PAX2: variants seen among roughly 807,000 people sequenced by gnomAD.
PAX2 encodes the protein paired box 2.
In PAX2, 9 loss-of-function variants were observed where a neutral mutation model predicts 41.7. The observed-to-expected ratio is 0.22, with a 90% CI of 0.13 to 0.38. The LOEUF (loss-of-function observed/expected upper bound fraction) is 0.38. Among genes scored for constraint, PAX2 ranks in the 10% least tolerant of loss-of-function variants. PAX2 has a pLI of 1.00. For missense variants in PAX2, 418 were observed against 531.6 expected, an observed-to-expected ratio of 0.79 and a Z score of 2.10; for synonymous variants, 221 against 212.7, an observed-to-expected ratio of 1.04 and a Z score of -0.34.
intron 7 of PAX2, among the ~76,000 whole-genome samples, chr10:100,815,691 A>C (rs1259696053): frequency 6.6e-6 from 1 of 152,218 alleles, no homozygotes; most frequent in Non-Finnish European, 1.5e-5. Flanking sequence ...TCCTTTATCC[A>C]GTCCACTGAT....
Position 100,755,797 on chromosome 10 carries a change from G to A in PAX2, c.410+4906G>A, listed in dbSNP as rs369443230. ...AAATGGACAACACAACAGTTCAATA[G>A]AGGGGCCACAGGGGGAATTAGCCAA... On this transcript the variant is annotated intron_variant, in intron 3 of 9. Transcript: ENST00000355243. Among the ~76,000 whole-genome samples, 3 of 152,306 alleles carry A rather than the reference G, an allele frequency of 2.0e-5. No homozygotes were observed. In the South Asian group the frequency reaches 6.2e-4, roughly 32 times the overall value.
upstream of PAX2, among the ~76,000 whole-genome samples, chr10:100,741,175 G>A (rs1006062294): frequency 1.2e-4 from 19 of 152,180 alleles, no homozygotes; most frequent in African/African-American, 4.6e-4. Flanking sequence ...AGGACCAACA[G>A]ACCGAGCGGG....
intron 6 of PAX2, among the ~76,000 whole-genome samples, chr10:100,807,249 G>A (rs55705643): frequency 0.017 from 2,538 of 152,202 alleles, 40 homozygotes; most frequent in Non-Finnish European, 0.028. Flanking sequence ...ACTTTTCTAT[G>A]TGCTGGTGTG....
chr10:100,798,580 C>G (rs1245422001), intron 5 of PAX2, among the ~76,000 whole-genome samples: 1 of 152,064 alleles, frequency 6.6e-6, no homozygotes, highest in Non-Finnish European at 1.5e-5. Context: ...AGCCCCTTCC[C>G]TCCTCTCTCC....
chr10:100,769,694 G>A (rs1846150059), intron 3 of PAX2, among the ~76,000 whole-genome samples: 1 of 148,482 alleles, frequency 6.7e-6, no homozygotes, highest in Non-Finnish European at 1.5e-5. Context: ...CAAAAAACAA[G>A]AGTATATTAT....
chr10:100,748,200 T>A lies in PAX2; in HGVS notation c.44-1546T>A. 1.0e-6 allele frequency: 1 copy of A among 985,028 alleles called. No individual in the cohort carries two copies. The highest frequency in any genetic ancestry group is 1.2e-6 in the Non-Finnish European group (1 of 829,856). 61.0% of individuals were successfully genotyped at this position (985,028 alleles called of 1,614,324 possible). A position where few individuals can be genotyped will look rare whatever the true frequency, so the allele number is the denominator to read the frequency against. ...GAGCCCGGGGAGGCTGAATTATTCATCTTTAATCTGCCCGCAGCTGCCGCC... is the reference window on the plus strand; with the variant it reads ...GAGCCCGGGGAGGCTGAATTATTCAACTTTAATCTGCCCGCAGCTGCCGCC... On this transcript the variant is annotated intron_variant, in intron 1 of 9. Transcript: ENST00000355243. The surrounding 1 kb of genome is among the most constrained non-coding windows in gnomAD (Gnocchi z 5.0).
rs372654597 is a variant in PAX2, at chr10:100,786,661, G to T, written c.616+5296G>T. Among the ~76,000 whole-genome samples, 229 of 152,238 alleles carry T rather than the reference G, an allele frequency of 1.5e-3. 1 individual carries two copies. Among genetic ancestry groups the T allele is most frequent in the African/African-American group, 5.1e-3 (211 of 41,526 alleles). The stretch of plus-strand genomic sequence containing the variant: ...GTGAGCGGGGAGAGCTCTAAGCCAG[G>T]CCTCAGTGTGTTGAGCGCCCATGGT... On this transcript the variant is annotated intron_variant, in intron 5 of 9. Coordinates refer to ENST00000355243, the MANE Select transcript of PAX2 (RefSeq NM_000278.5).
intron 1 of PAX2, chr10:100,747,128 T>A (rs1845213629): frequency 6.6e-6 from 1 of 152,162 alleles, no homozygotes; most frequent in African/African-American, 2.4e-5. Flanking sequence ...AGCGCAGCCT[T>A]CCAGGTGGGC....
chr10:100,776,055 T>C (rs1329883244), intron 3 of PAX2, among the ~76,000 whole-genome samples: 6 of 152,210 alleles, frequency 3.9e-5, no homozygotes, highest in Non-Finnish European at 4.4e-5. Flanking sequence ...CACAGTCCCT[T>C]AGGCAACTTC....
chr10:100,751,431 G>A (rs1037861828), intron 3 of PAX2, among the ~76,000 whole-genome samples: 10 of 152,198 alleles, frequency 6.6e-5, no homozygotes, highest in African/African-American at 2.4e-4. Context: ...CAGAACAAAT[G>A]CCAACCACCA....
In PAX2 at chr10:100,824,980, C is replaced by A; in HGVS notation, c.1021+231C>A. ...GCAGAAGTGCCCCCTTGTGTGCAAC[C>A]CACTGTATGTCATGGCCCCTCCACA... is the stretch of plus-strand genomic sequence containing the variant. On this transcript the variant is annotated intron_variant, in intron 8 of 9. Coordinates refer to ENST00000355243, the MANE Select transcript of PAX2 (RefSeq NM_000278.5). The surrounding 1 kb of genome is among the most constrained non-coding windows in gnomAD (Gnocchi z 6.6). 1 of 1,613,564 alleles carries A rather than the reference C, an allele frequency of 6.2e-7. No individual in the cohort carries two copies. The highest frequency in any genetic ancestry group is 8.5e-7 in the Non-Finnish European group (1 of 1,179,542).
In PAX2 at chr10:100,826,424, A is replaced by T. The variant is rs1848568374; in HGVS notation, c.1022-585A>T. On this transcript the variant is annotated intron_variant, in intron 8 of 9. Transcript: ENST00000355243. This position sits in a 1 kb window ranked among gnomAD's most constrained non-coding sequence, Gnocchi z 5.5. ...GCTCACCGCTAGCGGACCAGCGGGC[A>T]GTCCACCTGCGCCGCCTCCATCCCC... Among the ~76,000 whole-genome samples the T allele has an allele frequency of 6.6e-6, 1 of 152,202 alleles. No individual in the cohort carries two copies. Among genetic ancestry groups the T allele is most frequent in the Non-Finnish European group, 1.5e-5 (1 of 68,026 alleles).
intron 7 of PAX2, among the ~76,000 whole-genome samples, chr10:100,811,348 T>C (rs1847983917): frequency 6.6e-6 from 1 of 152,256 alleles, no homozygotes; most frequent in Admixed American, 6.5e-5. Context: ...AGATGAATGA[T>C]TTATGATGTG....
In PAX2 at chr10:100,827,578, T is replaced by A; in HGVS notation, c.1144T>A (p.Ser382Thr). 1.2e-6 allele frequency: 2 copies of A among 1,613,218 alleles called. No homozygotes were observed. Among genetic ancestry groups the A allele is most frequent in the Non-Finnish European group, 1.7e-6 (2 of 1,179,560 alleles). ...TTATTATAGTGCCGCCCCCCGGGGC[T>A]CCGCCCCTGCCGCTGCTGCCGCTGC... ...PYYYSAAPRG[S>T]APAAAAAAYD... The change falls in exon 10 of 10, where the codon TCC becomes ACC. Residue 382 changes from serine to threonine, a missense_variant. By Grantham distance (58) the Ser-to-Thr change is moderately conservative (BLOSUM62 1). Around this residue, in one of 2 missense-constraint regions of PAX2, gnomAD observed 310 missense variants for 325.2 expected, o/e 0.95. Transcript: ENST00000355243. The surrounding 1 kb of genome is among the most constrained non-coding windows in gnomAD (Gnocchi z 8.5).
upstream of PAX2, among the ~76,000 whole-genome samples, chr10:100,743,500 T>A (rs912631420): frequency 1.3e-5 from 2 of 152,014 alleles, no homozygotes; most frequent in South Asian, 4.2e-4. Context: ...ATGACCAACT[T>A]GGAGAGACCT....
chr10:100,809,241 G>T lies in PAX2; in HGVS notation c.919+5G>T. On this transcript the variant is annotated splice_donor_5th_base_variant and intron_variant, in intron 7 of 9. Coordinates refer to ENST00000355243, the MANE Select transcript of PAX2 (RefSeq NM_000278.5). ...AGACATACCCAGTTGTGACTGGTAA[G>T]GGGGCTTCCAGGAGGGTGGGGGCAC... 2 of 1,613,022 alleles carry T rather than the reference G, an allele frequency of 1.2e-6. No individual in the cohort carries two copies. The highest frequency in any genetic ancestry group is 2.2e-5 in the South Asian group (2 of 91,034).
At chr10:100,816,745 A>T (rs991810468) in intron 7 of PAX2, among the ~76,000 whole-genome samples, 2 of 152,178 alleles carry the variant, frequency 1.3e-5, no homozygotes, top group African/African-American at 4.8e-5. Context: ...AAGCTCCGCC[A>T]CTATTGTCAC....
At chr10:100,749,315 C>T (rs1218595867) in intron 1 of PAX2, 6 of 1,005,228 alleles carry the variant, frequency 6.0e-6, no homozygotes, top group Non-Finnish European at 7.1e-6. Flanking sequence ...GCCCCGCACG[C>T]GCGGACAGCT....
At position 100,824,486 on chromosome 10, in the gene PAX2, A is replaced by G. The variant is rs1848479886; in HGVS notation, c.920-162A>G. On this transcript the variant is annotated intron_variant, in intron 7 of 9. Coordinates refer to ENST00000355243, the MANE Select transcript of PAX2 (RefSeq NM_000278.5). This position sits in a 1 kb window ranked among gnomAD's most constrained non-coding sequence, Gnocchi z 6.6. Reference sequence around the variant, plus strand: ...TTAGCTTAGACACATGCAAAGGCACACTCAGATGGCGCATTCAGGTGCACA... The same window carrying G: ...TTAGCTTAGACACATGCAAAGGCACGCTCAGATGGCGCATTCAGGTGCACA... Among the ~76,000 whole-genome samples, 2 of 152,082 alleles carry G rather than the reference A, an allele frequency of 1.3e-5. No homozygotes were observed. The highest frequency in any genetic ancestry group is 1.3e-4 in the Admixed American group (2 of 15,276).
Sources: gnomAD v4.1 joint callset for allele counts (sites outside exome capture counted in the v4.1 genomes callset) on GRCh38, gnomAD v4.1.1 for gene constraint, gnomAD v4.1.1 regional missense constraint, Gnocchi (gnomAD v3.1) non-coding constraint, MANE v1.5 for transcripts, NCBI Gene and HGNC (gene_info 2026-07-23, HGNC 2026-07-21) for gene names.